ZC3H12B: variants seen among roughly 807,000 people sequenced by gnomAD.
ZC3H12B encodes the protein zinc finger CCCH-type containing 12B.
In ZC3H12B, 7 loss-of-function variants were observed where a neutral mutation model predicts 43.9. The ratio of observed to expected loss-of-function variants is 0.16; its 90% CI spans 0.09 to 0.30. The LOEUF (loss-of-function observed/expected upper bound fraction) is 0.30. Among genes scored for constraint, ZC3H12B ranks in the 10% least tolerant of loss-of-function variants. ZC3H12B has a pLI of 1.00. For missense variants in ZC3H12B, 475 were observed against 670.2 expected, an observed-to-expected ratio of 0.71 and a Z score of 3.22; for synonymous variants, 222 against 241.7, an observed-to-expected ratio of 0.92 and a Z score of 0.76.
chrX:65,105,780 G>A, the ZC3H12B span, among the ~76,000 whole-genome samples: 2 of 111,094 alleles, frequency 1.8e-5, no homozygotes, highest in African/African-American at 6.5e-5. Flanking sequence ...GAAACTGCTT[G>A]GGTGGTGATA....
the ZC3H12B span, among the ~76,000 whole-genome samples, chrX:65,202,442 A>C: frequency 9.2e-6 from 1 of 109,080 alleles, no homozygotes; most frequent in East Asian, 2.9e-4. Context: ...ATTGCAGCAT[A>C]AGTGGGCACT....
chrX:65,217,752 C>G, the ZC3H12B span, among the ~76,000 whole-genome samples: 1 of 110,633 alleles, frequency 9.0e-6, no homozygotes, highest in South Asian at 3.8e-4. Context: ...TGAAAATGCA[C>G]AGAAAGAAAA....
intron 2 of ZC3H12B, among the ~76,000 whole-genome samples, chrX:65,386,384 T>A (rs755113938): frequency 1.8e-5 from 2 of 111,860 alleles, no homozygotes; most frequent in African/African-American, 6.5e-5. Context: ...GCAGGGTGTA[T>A]GTGTCCAGTA....
At chrX:65,349,950 C>A in the ZC3H12B span, among the ~76,000 whole-genome samples, 1 of 112,061 alleles carries the variant, frequency 8.9e-6, no homozygotes, top group Admixed American at 9.4e-5. Context: ...TGGTACCATT[C>A]CTTCTGAAAC....
At chrX:65,169,223 G>T in the ZC3H12B span, among the ~76,000 whole-genome samples, 3 of 111,551 alleles carry the variant, frequency 2.7e-5, no homozygotes, top group East Asian at 5.7e-4. Flanking sequence ...CAGAGATTCT[G>T]GTATGTTGTG....
At chrX:65,335,939 A>G in the ZC3H12B span, among the ~76,000 whole-genome samples, 1 of 111,614 alleles carries the variant, frequency 9.0e-6, no homozygotes, top group Non-Finnish European at 1.9e-5. Context: ...TTGTTTGTTT[A>G]TTTTTGTTTT....
the ZC3H12B span, among the ~76,000 whole-genome samples, chrX:65,207,407 C>T: frequency 9.1e-6 from 1 of 110,374 alleles, no homozygotes; most frequent in East Asian, 2.9e-4. Context: ...ATCATATGTT[C>T]TCAGTGATAT....
At chrX:65,313,085 C>A in the ZC3H12B span, among the ~76,000 whole-genome samples, 73 of 110,940 alleles carry the variant, frequency 6.6e-4, no homozygotes, top group Non-Finnish European at 1.2e-3. Flanking sequence ...TTTCACCATG[C>A]TAGCCAGGCT....
intron 3 of ZC3H12B, among the ~76,000 whole-genome samples, chrX:65,450,709 G>GTATATGTATACATATGTGTATATATGTA (rs2067479176): frequency 5.2e-5 from 1 of 19,224 alleles, no homozygotes; most frequent in Non-Finnish European, 6.9e-5. Flanking sequence ...GTGTATATAT[G>GTATATGTATACATATGTGTATATATGTA]TATATGTATA....
the ZC3H12B span, among the ~76,000 whole-genome samples, chrX:65,254,904 A>G: frequency 1.8e-5 from 2 of 112,061 alleles, no homozygotes; most frequent in Non-Finnish European, 3.8e-5. Flanking sequence ...TCACTTCAAG[A>G]ATTTCAGAAT....
chrX:65,483,960 C>T (rs763503431), upstream of ZC3H12B, among the ~76,000 whole-genome samples: 2 of 111,778 alleles, frequency 1.8e-5, no homozygotes, highest in South Asian at 7.4e-4. Context: ...ACATAGTATT[C>T]CATGGTATAT....
the ZC3H12B span, among the ~76,000 whole-genome samples, chrX:65,337,121 C>T: frequency 9.0e-6 from 1 of 111,360 alleles, no homozygotes; most frequent in African/African-American, 3.3e-5. Flanking sequence ...GAAGAGACTC[C>T]AACTCCTCTA....
intron 2 of ZC3H12B, among the ~76,000 whole-genome samples, chrX:65,390,993 A>T (rs902943077): frequency 1.7e-4 from 19 of 112,274 alleles, no homozygotes; most frequent in African/African-American, 5.8e-4. Flanking sequence ...TAAAATTCAC[A>T]GAATATTATA....
chrX:65,324,670 G>C, the ZC3H12B span, among the ~76,000 whole-genome samples: 1 of 111,177 alleles, frequency 9.0e-6, no homozygotes, highest in Non-Finnish European at 1.9e-5. Flanking sequence ...TACTTCGTAT[G>C]ATTTAAGTTT....
At chrX:65,320,199 G>A in the ZC3H12B span, among the ~76,000 whole-genome samples, 1 of 111,653 alleles carries the variant, frequency 9.0e-6, no homozygotes, top group African/African-American at 3.3e-5. Flanking sequence ...TATCAGAAAA[G>A]TCTCAGGATA....
chrX:65,173,482 G>A, the ZC3H12B span, among the ~76,000 whole-genome samples: 2 of 111,723 alleles, frequency 1.8e-5, no homozygotes, highest in Non-Finnish European at 3.8e-5. Flanking sequence ...GTTAGAGAGG[G>A]CGTCCTTGTC....
chrX:65,288,464 G>T, the ZC3H12B span, among the ~76,000 whole-genome samples: 3 of 112,360 alleles, frequency 2.7e-5, no homozygotes, highest in East Asian at 8.4e-4. Flanking sequence ...ACCAAAATCA[G>T]ATTGGATTTA....
intron 3 of ZC3H12B, among the ~76,000 whole-genome samples, chrX:65,458,472 C>A (rs2067670914): frequency 8.9e-6 from 1 of 111,748 alleles, no homozygotes; most frequent in Non-Finnish European, 1.9e-5. Flanking sequence ...AAGCACTCCT[C>A]AGCAAATCTA....
chrX:65,285,277 C>A, the ZC3H12B span, among the ~76,000 whole-genome samples: 1 of 109,791 alleles, frequency 9.1e-6, no homozygotes, highest in African/African-American at 3.3e-5. Context: ...CTTCTCCCAC[C>A]CTTTCCCTTG....
Sources: gnomAD v4.1 joint callset for allele counts (sites outside exome capture counted in the v4.1 genomes callset) on GRCh38, gnomAD v4.1.1 for gene constraint, MANE v1.5 for transcripts, NCBI Gene and HGNC (gene_info 2026-07-23, HGNC 2026-07-21) for gene names.